Variants in RBFOX1 observed in about 807,000 individuals in gnomAD.
RBFOX1 encodes the protein RNA binding fox-1 homolog 1, also known as RNA binding protein fox-1 homolog 1.
Under a neutral mutation model 57.7 loss-of-function variants are expected in RBFOX1, and 8 were observed. The observed-to-expected ratio is 0.14, with a 90% CI of 0.08 to 0.25. The LOEUF is 0.25. Among genes scored for constraint, RBFOX1 ranks in the 10% least tolerant of loss-of-function variants. The probability of loss-of-function intolerance (pLI) is 1.00; values close to 1 mark genes in which losing one functional copy is unlikely to be tolerated. For missense variants in RBFOX1, 611 were observed against 548.5 expected (o/e 1.11, Z -1.14); for synonymous variants, 326 against 222.4 (o/e 1.47, Z -4.15).
At chr16:5,424,879 CTT>C (rs1448914586) in intron 1 of RBFOX1, among the ~76,000 whole-genome samples, 1 of 10,636 alleles carries the variant, frequency 9.4e-5, no homozygotes, top group South Asian at 3.0e-3. Context: ...TCTTTTTTTT[CTT>C]TCTTTCTTTC....
At chr16:6,717,028 C>T (rs893521304) in intron 3 of RBFOX1, among the ~76,000 whole-genome samples, 1 of 152,110 alleles carries the variant, frequency 6.6e-6, no homozygotes, top group Non-Finnish European at 1.5e-5. Context: ...TTTCTCTCAA[C>T]CATGTGAGGA....
intron 2 of RBFOX1, among the ~76,000 whole-genome samples, chr16:6,494,141 T>C (rs1030032872): frequency 6.6e-6 from 1 of 152,258 alleles, no homozygotes; most frequent in Non-Finnish European, 1.5e-5. Flanking sequence ...TATTCTCTAA[T>C]GGTAATATTT....
intron 3 of RBFOX1, among the ~76,000 whole-genome samples, chr16:5,700,649 T>C (rs1019656671): frequency 2.6e-5 from 4 of 152,234 alleles, no homozygotes; most frequent in Non-Finnish European, 5.9e-5. Context: ...TCCATAATGA[T>C]GTCTTCAATT....
intron 2 of RBFOX1, among the ~76,000 whole-genome samples, chr16:6,590,335 GGT>G (rs1427927528): frequency 9.9e-5 from 15 of 152,140 alleles, no homozygotes; most frequent in Non-Finnish European, 2.2e-4. Flanking sequence ...TTTGCCTGTA[GGT>G]GTCATTCATT....
intron 3 of RBFOX1, among the ~76,000 whole-genome samples, chr16:6,780,873 C>T (rs1318871449): frequency 1.3e-5 from 2 of 151,844 alleles, no homozygotes; most frequent in Non-Finnish European, 2.9e-5. Context: ...TGTTTGAGCT[C>T]CTCACATGTT....
At chr16:5,651,206 C>T (rs1221975134) in intron 3 of RBFOX1, among the ~76,000 whole-genome samples, 1 of 151,790 alleles carries the variant, frequency 6.6e-6, no homozygotes, top group Non-Finnish European at 1.5e-5. Context: ...GCACCTGCCA[C>T]CATACCCAGC....
intron 4 of RBFOX1, among the ~76,000 whole-genome samples, chr16:7,108,399 T>C (rs1227150164): frequency 6.6e-6 from 1 of 152,240 alleles, no homozygotes. Flanking sequence ...TGAAGTGTAA[T>C]GCAATATAAG....
At chr16:7,318,440 T>C (rs1343026822) in intron 4 of RBFOX1, among the ~76,000 whole-genome samples, 1 of 152,150 alleles carries the variant, frequency 6.6e-6, no homozygotes, top group Non-Finnish European at 1.5e-5. Flanking sequence ...CACACATAAG[T>C]ACCTGGCTTC....
chr16:5,248,875 C>G (rs1002256911), intron 1 of RBFOX1, among the ~76,000 whole-genome samples: 2 of 150,642 alleles, frequency 1.3e-5, no homozygotes, highest in African/African-American at 4.9e-5. Context: ...ATAATCCCAG[C>G]TACTCGGGAA....
chr16:5,522,745 A>G (rs767636784), intron 2 of RBFOX1, among the ~76,000 whole-genome samples: 1 of 152,054 alleles, frequency 6.6e-6, no homozygotes, highest in Non-Finnish European at 1.5e-5. Context: ...CTCCACCTCC[A>G]TGAGATGAGT....
At chr16:5,522,325 T>C (rs1222572413) in intron 2 of RBFOX1, among the ~76,000 whole-genome samples, 2 of 152,246 alleles carry the variant, frequency 1.3e-5, no homozygotes, top group Non-Finnish European at 2.9e-5. Context: ...TGTTGTGATG[T>C]GCGTAAAGCA....
intron 3 of RBFOX1, among the ~76,000 whole-genome samples, chr16:6,733,898 G>A (rs185177112): frequency 1.1e-4 from 16 of 152,310 alleles, no homozygotes; most frequent in East Asian, 9.7e-4. Context: ...GATTGTCAGC[G>A]CTATGCTGTA....
chr16:5,681,762 G>C (rs2050347133), intron 3 of RBFOX1, among the ~76,000 whole-genome samples: 1 of 152,082 alleles, frequency 6.6e-6, no homozygotes, highest in Non-Finnish European at 1.5e-5. Context: ...GGATATTTCA[G>C]GCATTTTTAA....
chr16:6,672,352 G>A (rs541466895), intron 3 of RBFOX1, among the ~76,000 whole-genome samples: 19 of 151,270 alleles, frequency 1.3e-4, no homozygotes, highest in Non-Finnish European at 1.3e-4. Flanking sequence ...GGAGGGAGGA[G>A]AGTGAGAGAG....
intron 4 of RBFOX1, among the ~76,000 whole-genome samples, chr16:5,922,435 C>A (rs758471): frequency 6.6e-6 from 1 of 152,046 alleles, no homozygotes; most frequent in Non-Finnish European, 1.5e-5. Flanking sequence ...ATGGATAGCC[C>A]TTGTTCACCC....
At chr16:6,907,270 G>A (rs960772768) in intron 3 of RBFOX1, among the ~76,000 whole-genome samples, 4 of 152,144 alleles carry the variant, frequency 2.6e-5, no homozygotes, top group African/African-American at 9.7e-5. Context: ...TTGTAGTGCT[G>A]ACAGTGAGAG....
chr16:6,232,137 A>C (rs144797207), intron 1 of RBFOX1, among the ~76,000 whole-genome samples: 1 of 152,260 alleles, frequency 6.6e-6, no homozygotes, highest in Non-Finnish European at 1.5e-5. Flanking sequence ...TTGAATGCCT[A>C]AGTGCTCATT....
At chr16:7,606,154 C>T (rs1002262261) in intron 9 of RBFOX1, among the ~76,000 whole-genome samples, 2 of 138,322 alleles carry the variant, frequency 1.4e-5, no homozygotes, top group Non-Finnish European at 3.1e-5. Flanking sequence ...GAGAGTCTCA[C>T]ACTGTCACCT....
At chr16:6,361,679 G>A (rs2088565097) in intron 2 of RBFOX1, among the ~76,000 whole-genome samples, 1 of 150,980 alleles carries the variant, frequency 6.6e-6, no homozygotes, top group South Asian at 2.1e-4. Flanking sequence ...TGGCTAATTA[G>A]TGTTACCTGG....
Sources: allele counts gnomAD v4.1 joint callset (sites outside exome capture counted in the v4.1 genomes callset), GRCh38; gene constraint gnomAD v4.1.1; transcripts MANE v1.5; gene names NCBI Gene and HGNC (gene_info 2026-07-23, HGNC 2026-07-21).